PTPRG: variants seen among roughly 807,000 people sequenced by gnomAD.
PTPRG encodes protein tyrosine phosphatase receptor type G, also known as receptor-type tyrosine-protein phosphatase gamma.
PTPRG carries 102 observed loss-of-function variants against 165.3 expected under a neutral mutation model. The observed-to-expected ratio is 0.62, with a 90% CI of 0.53 to 0.73. PTPRG has a LOEUF of 0.73. PTPRG is among the 30% of genes least tolerant of loss of function. PTPRG has a pLI of 0.00. For missense variants in PTPRG, 1,866 were observed against 1,861.4 expected (o/e 1.00, Z -0.05); for synonymous variants, 675 against 669.5 (o/e 1.01, Z -0.13).
intron 4 of PTPRG, among the ~76,000 whole-genome samples, chr3:62,007,941 G>A (rs2041334998): frequency 6.6e-6 from 1 of 152,158 alleles, no homozygotes; most frequent in Non-Finnish European, 1.5e-5. Context: ...ACTTTATGTG[G>A]TACAACAGAC....
rs557223541 is a variant in PTPRG, at chr3:61,693,901, G to A, written c.86-54977G>A. ...CGGGCGCTTGTAGTCCCAGCTACTC[G>A]GGAGGCTGAGGCAGGAGAATCGCTT... is the stretch of plus-strand genomic sequence containing the variant. On this transcript the variant is annotated intron_variant, in intron 1 of 29. Coordinates refer to ENST00000474889, the MANE Select transcript of PTPRG (RefSeq NM_002841.4). Among the ~76,000 whole-genome samples, 18 of 151,850 alleles carry A rather than the reference G, an allele frequency of 1.2e-4. No individual in the cohort carries two copies. In the South Asian group the frequency reaches 3.6e-3, roughly 30 times the overall value.
At chr3:61,765,432 A>C (rs2033988000) in intron 2 of PTPRG, among the ~76,000 whole-genome samples, 1 of 151,944 alleles carries the variant, frequency 6.6e-6, no homozygotes, top group South Asian at 2.1e-4. Context: ...CCATTTGTCA[A>C]CTCTTTGATC....
At chr3:61,721,626 A>G (rs1473310578) in intron 1 of PTPRG, among the ~76,000 whole-genome samples, 3 of 152,070 alleles carry the variant, frequency 2.0e-5, no homozygotes, top group African/African-American at 7.2e-5. Flanking sequence ...CATATTTAAC[A>G]CCATGTCCTG....
intron 4 of PTPRG, among the ~76,000 whole-genome samples, chr3:62,023,113 T>C (rs17065699): frequency 0.028 from 4,301 of 152,216 alleles, 169 homozygotes; most frequent in African/African-American, 0.095. Context: ...TTCTAAATAA[T>C]GTAATGAAAC....
In PTPRG at chr3:61,645,433, T is replaced by C. The variant is rs182903435; in HGVS notation, c.85+83061T>C. On this transcript the variant is annotated intron_variant, in intron 1 of 29. Coordinates refer to ENST00000474889, the MANE Select transcript of PTPRG (RefSeq NM_002841.4). Reference sequence around the variant, plus strand: ...TTTCCAGCCTCCCTTGCAGCTAGTGTGTGGGCATGTGACCCGGGCTCCACC... The same window carrying C: ...TTTCCAGCCTCCCTTGCAGCTAGTGCGTGGGCATGTGACCCGGGCTCCACC... Among the ~76,000 whole-genome samples, 340 of 152,316 alleles carry C rather than the reference T, an allele frequency of 2.2e-3. 3 individuals carry two copies. Among genetic ancestry groups the C allele is most frequent in the Non-Finnish European group, 6.8e-4 (46 of 68,038 alleles).
intron 21 of PTPRG, 80 bp from the exon 22 acceptor site, chr3:62,272,866 T>A: frequency 1.5e-6 from 2 of 1,371,756 alleles, no homozygotes; most frequent in East Asian, 2.7e-5. Context: ...ATAAATGGGG[T>A]TTAGATTGGA....
At chr3:61,830,566 G>GT (rs57644199) in intron 2 of PTPRG, among the ~76,000 whole-genome samples, 5,668 of 86,180 alleles carry the variant, frequency 0.066, 39 homozygotes, top group Non-Finnish European at 0.098. Flanking sequence ...TTTTGTTTTT[G>GT]TTTTTTTTTT....
intron 2 of PTPRG, among the ~76,000 whole-genome samples, chr3:61,820,093 A>G (rs2035907229): frequency 6.6e-6 from 1 of 152,164 alleles, no homozygotes; most frequent in African/African-American, 2.4e-5. Flanking sequence ...AAATTTTAGT[A>G]GATATGTGAG....
Position 61,929,710 on chromosome 3 carries a change from C to T in PTPRG, c.191-59915C>T, listed in dbSNP as rs539431894. On this transcript the variant is annotated intron_variant, in intron 2 of 29. Transcript: ENST00000474889. ...TCGTGTCGGCATCACACTTCAGAGT[C>T]GGTGTAGATGTCTACCGCTCTAGCC... Among the ~76,000 whole-genome samples, 40 of 152,292 alleles carry T rather than the reference C, an allele frequency of 2.6e-4. 1 individual carries two copies. In the South Asian group the frequency reaches 5.4e-3, roughly 21 times the overall value.
intron 1 of PTPRG, among the ~76,000 whole-genome samples, chr3:61,702,123 C>T (rs1040513248): frequency 6.6e-6 from 1 of 152,078 alleles, no homozygotes; most frequent in Non-Finnish European, 1.5e-5. Context: ...GGAGTATAGG[C>T]GAGCACCACC....
intron 2 of PTPRG, among the ~76,000 whole-genome samples, chr3:61,806,969 T>G (rs2035437740): frequency 6.6e-6 from 1 of 152,224 alleles, no homozygotes; most frequent in Non-Finnish European, 1.5e-5. Flanking sequence ...AGCCCTTTCA[T>G]AAACAGAGAA....
At position 62,124,580 on chromosome 3, in the gene PTPRG, A is replaced by T. The variant is rs367624707; in HGVS notation, c.616-8022A>T. On this transcript the variant is annotated intron_variant, in intron 5 of 29. Coordinates refer to ENST00000474889, the MANE Select transcript of PTPRG (RefSeq NM_002841.4). ...GTGGTCCAACAGGCTGTTTTTCCTA[A>T]TGGACCTCACGGGACTGAAGGCTTT... is the stretch of plus-strand genomic sequence containing the variant. The T allele has an allele frequency of 2.6e-5, 34 of 1,297,894 alleles. 1 individual carries two copies. The highest frequency in any genetic ancestry group is 2.5e-4 in the East Asian group (11 of 43,364). 80.4% of individuals were successfully genotyped at this position (1,297,894 alleles called of 1,614,324 possible).
At chr3:61,988,802 A>G (rs2040821777) in intron 2 of PTPRG, among the ~76,000 whole-genome samples, 1 of 152,236 alleles carries the variant, frequency 6.6e-6, no homozygotes, top group Non-Finnish European at 1.5e-5. Context: ...CCTGTAGTCA[A>G]CGTAATAGAA....
At chr3:61,928,305 C>T (rs968562445) in intron 2 of PTPRG, among the ~76,000 whole-genome samples, 10 of 152,142 alleles carry the variant, frequency 6.6e-5, no homozygotes, top group South Asian at 2.1e-4. Context: ...CAGAATAATG[C>T]GACCCCATAT....
chr3:61,867,986 T>A (rs1405137583), intron 2 of PTPRG, among the ~76,000 whole-genome samples: 7 of 152,116 alleles, frequency 4.6e-5, no homozygotes, highest in Non-Finnish European at 8.8e-5. Context: ...GGTGGTGGTG[T>A]TCCTTATAAC....
chr3:61,589,625 G>A (rs948694157), intron 1 of PTPRG, among the ~76,000 whole-genome samples: 1 of 152,106 alleles, frequency 6.6e-6, no homozygotes, highest in Non-Finnish European at 1.5e-5. Flanking sequence ...GGTTGATGGG[G>A]TGGGGTGGGG....
At chr3:61,984,922 T>C (rs1575850830) in intron 2 of PTPRG, among the ~76,000 whole-genome samples, 1 of 152,244 alleles carries the variant, frequency 6.6e-6, no homozygotes, top group African/African-American at 2.4e-5. Context: ...TGGGTTTGTC[T>C]GATGTATTCC....
intron 1 of PTPRG, among the ~76,000 whole-genome samples, chr3:61,627,462 G>A (rs1701644594): frequency 6.6e-6 from 1 of 152,112 alleles, no homozygotes; most frequent in South Asian, 2.1e-4. Context: ...CTTTATGATG[G>A]CTGCTGGCTT....
chr3:61,932,180 A>C (rs1456317420), intron 2 of PTPRG, among the ~76,000 whole-genome samples: 1 of 152,210 alleles, frequency 6.6e-6, no homozygotes, highest in South Asian at 2.1e-4. Context: ...TGTGGGACCA[A>C]CTAGCTCCTT....
Sources: gnomAD v4.1 joint callset for allele counts (sites outside exome capture counted in the v4.1 genomes callset) on GRCh38, gnomAD v4.1.1 for gene constraint, MANE v1.5 for transcripts, NCBI Gene and HGNC (gene_info 2026-07-23, HGNC 2026-07-21) for gene names.